CAB39: variants seen among roughly 807,000 people sequenced by gnomAD.
CAB39 encodes the protein calcium binding protein 39, also known as calcium-binding protein 39.
In CAB39, 8 loss-of-function variants were observed where a neutral mutation model predicts 40.0. That is an observed-to-expected ratio of 0.20 (90% CI 0.12 to 0.36). The LOEUF is 0.36. Ranked by LOEUF, CAB39 falls within the 10% of genes least tolerant of loss-of-function variation. The probability of loss-of-function intolerance (pLI) is 1.00; values close to 1 mark genes in which losing one functional copy is unlikely to be tolerated. For synonymous variants in CAB39, 156 were observed against 141.6 expected (o/e 1.10, Z -0.72); for missense variants, 270 against 401.1 (o/e 0.67, Z 2.79).
intron 2 of CAB39, among the ~76,000 whole-genome samples, chr2:230,786,163 C>CAAAAAAA (rs369510604): frequency 4.1e-5 from 3 of 72,732 alleles, no homozygotes; most frequent in African/African-American, 1.3e-4. Flanking sequence ...GACTCTGTCT[C>CAAAAAAA]AAAAAAAAAA....
chr2:230,815,384 T>G (rs1338285863), intron 7 of CAB39, among the ~76,000 whole-genome samples: 1 of 152,156 alleles, frequency 6.6e-6, no homozygotes, highest in Non-Finnish European at 1.5e-5. Context: ...GGGAGGAGTT[T>G]CTCCTCCCTG....
intron 1 of CAB39, among the ~76,000 whole-genome samples, chr2:230,754,127 A>T (rs1695138340): frequency 1.3e-5 from 2 of 152,342 alleles, no homozygotes; most frequent in African/African-American, 4.8e-5. Flanking sequence ...CTAGAGGGCC[A>T]TGGTAAGGAA....
chr2:230,779,140 T>C (rs935135790), intron 2 of CAB39: 1 of 152,164 alleles, frequency 6.6e-6, no homozygotes, highest in Non-Finnish European at 1.5e-5. Flanking sequence ...ATGAAGTTGT[T>C]ATCATTTGAT....
chr2:230,751,290 G>A (rs1290737759), intron 1 of CAB39, among the ~76,000 whole-genome samples: 2 of 152,174 alleles, frequency 1.3e-5, no homozygotes, highest in Non-Finnish European at 2.9e-5. Flanking sequence ...GGAATGTGTT[G>A]TCATTCAGCA....
intron 1 of CAB39, among the ~76,000 whole-genome samples, chr2:230,751,329 C>G (rs1023982238): frequency 6.6e-6 from 1 of 152,194 alleles, no homozygotes; most frequent in Non-Finnish European, 1.5e-5. Flanking sequence ...TAAACACATA[C>G]GCCCACATCC....
chr2:230,788,415 CTACATATGTTA>C (rs1414491143), intron 2 of CAB39, among the ~76,000 whole-genome samples: 4 of 151,926 alleles, frequency 2.6e-5, no homozygotes, highest in African/African-American at 9.7e-5. Context: ...ATTTTTTGTT[CTACATATGTTA>C]TAACCCCAGA....
chr2:230,752,606 C>T (rs188636010), intron 1 of CAB39, among the ~76,000 whole-genome samples: 73 of 152,286 alleles, frequency 4.8e-4, no homozygotes, highest in Non-Finnish European at 1.8e-4. Context: ...TTTCCACTTC[C>T]CAACACTTGC....
At chr2:230,776,826 G>T (rs1420199201) in intron 2 of CAB39, among the ~76,000 whole-genome samples, 5 of 152,106 alleles carry the variant, frequency 3.3e-5, no homozygotes, top group African/African-American at 1.2e-4. Flanking sequence ...CAGTAGCTGG[G>T]ACTACAGGCG....
chr2:230,819,587 A>G lies in CAB39; in HGVS notation c.*883A>G, dbSNP rs950042569. On this transcript the variant is annotated 3_prime_UTR_variant, in exon 9 of 9. Coordinates refer to ENST00000258418, the MANE Select transcript of CAB39 (RefSeq NM_016289.4). ...TAATACTGAGTTTTTGCAAAAAACA[A>G]TGAATGCTCATATGTAATTGAAATA... is the stretch of plus-strand genomic sequence containing the variant. 1.3e-5 allele frequency: 2 copies of G among 152,534 alleles called. No homozygotes were observed. Among genetic ancestry groups the G allele is most frequent in the Non-Finnish European group, 2.9e-5 (2 of 67,916 alleles). 9.4% of individuals were successfully genotyped at this position (152,534 alleles called of 1,614,324 possible).
intron 2 of CAB39, among the ~76,000 whole-genome samples, chr2:230,784,900 A>G (rs1695761869): frequency 1.3e-5 from 2 of 152,292 alleles, no homozygotes; most frequent in East Asian, 3.9e-4. Context: ...TCCAGTTTCC[A>G]TTGGCTGGGA....
At chr2:230,811,328 CT>C (rs1474511424) in intron 6 of CAB39, among the ~76,000 whole-genome samples, 5 of 152,162 alleles carry the variant, frequency 3.3e-5, no homozygotes, top group Non-Finnish European at 7.3e-5. Flanking sequence ...TCTTTTCCCC[CT>C]GCCCTCCACT....
intron 1 of CAB39, among the ~76,000 whole-genome samples, chr2:230,725,957 G>C (rs1231805697): frequency 6.6e-6 from 1 of 152,160 alleles, no homozygotes; most frequent in Non-Finnish European, 1.5e-5. Context: ...TTGATTTCTA[G>C]AAGCTACATC....
intron 2 of CAB39, among the ~76,000 whole-genome samples, chr2:230,771,037 A>G (rs1190903943): frequency 6.6e-6 from 1 of 152,212 alleles, no homozygotes; most frequent in African/African-American, 2.4e-5. Context: ...TGGAGGTTCT[A>G]GCCTATGCAG....
chr2:230,770,605 T>A (rs1261145711), intron 2 of CAB39, among the ~76,000 whole-genome samples: 2 of 152,226 alleles, frequency 1.3e-5, no homozygotes. Flanking sequence ...GTCAGAATTA[T>A]AATCATCGCC....
At chr2:230,740,648 C>T (rs1694860067) in intron 1 of CAB39, among the ~76,000 whole-genome samples, 1 of 152,184 alleles carries the variant, frequency 6.6e-6, no homozygotes, top group Non-Finnish European at 1.5e-5. Flanking sequence ...AGTGGACAAC[C>T]TAGATCCCTC....
intron 4 of CAB39, among the ~76,000 whole-genome samples, chr2:230,796,350 T>C (rs1166780773): frequency 3.9e-5 from 6 of 152,204 alleles, no homozygotes; most frequent in African/African-American, 1.4e-4. Flanking sequence ...GGAGGCGATT[T>C]TTTTTTTACT....
intron 3 of CAB39, among the ~76,000 whole-genome samples, chr2:230,791,459 T>G (rs1373397420): frequency 2.0e-5 from 3 of 152,256 alleles, no homozygotes; most frequent in Non-Finnish European, 4.4e-5. Flanking sequence ...ATGTCTTCGT[T>G]ACCTGTTAAT....
intron 1 of CAB39, among the ~76,000 whole-genome samples, chr2:230,731,867 T>G (rs1575906337): frequency 6.6e-6 from 1 of 152,206 alleles, no homozygotes; most frequent in Non-Finnish European, 1.5e-5. Flanking sequence ...TCTAGCTATT[T>G]TAGCTATTGA....
At chr2:230,755,555 T>G (rs940217539) in intron 1 of CAB39, among the ~76,000 whole-genome samples, 4 of 152,248 alleles carry the variant, frequency 2.6e-5, no homozygotes, top group Non-Finnish European at 5.9e-5. Context: ...CTTTGTCAGA[T>G]GTATAGATTG....
Sources: allele counts gnomAD v4.1 joint callset (sites outside exome capture counted in the v4.1 genomes callset), GRCh38; gene constraint gnomAD v4.1.1; transcripts MANE v1.5; gene names NCBI Gene and HGNC (gene_info 2026-07-23, HGNC 2026-07-21).